The following TRPM6 variants were observed in gnomAD, a reference collection of about 807,000 sequenced individuals.
TRPM6 encodes the protein channel kinase 2.
In TRPM6, 111 loss-of-function variants were observed where a neutral mutation model predicts 247.6. The observed-to-expected ratio is 0.45, with a 90% CI of 0.38 to 0.52. The LOEUF (loss-of-function observed/expected upper bound fraction) is 0.52, where lower values mean the gene tolerates loss of function less well. Among genes scored for constraint, TRPM6 ranks in the 20% least tolerant of loss-of-function variants. The probability of loss-of-function intolerance (pLI) is 0.00; values close to 1 mark genes in which losing one functional copy is unlikely to be tolerated. For synonymous variants in TRPM6, 892 were observed against 853.8 expected, an observed-to-expected ratio of 1.04 and a Z score of -0.78; for missense variants, 2,126 against 2,421.5, an observed-to-expected ratio of 0.88 and a Z score of 2.56.
intron 29 of TRPM6, 41 bp from the exon 30 acceptor site, chr9:74,750,763 A>C: frequency 6.3e-7 from 1 of 1,584,118 alleles, no homozygotes. Flanking sequence ...TGCTCAACAT[A>C]GTCCCACCCC....
intron 7 of TRPM6, among the ~76,000 whole-genome samples, chr9:74,823,466 C>CA (rs1385839157): frequency 1.7e-4 from 26 of 152,182 alleles, no homozygotes; most frequent in African/African-American, 6.3e-4. Flanking sequence ...TATCCTGTGT[C>CA]AGGCTCTCAA....
At chr9:74,800,126 C>T in intron 17 of TRPM6, 128 bp downstream of exon 17, 2 of 862,114 alleles carry the variant, frequency 2.3e-6, no homozygotes, top group Non-Finnish European at 3.8e-6. Context: ...GCTAGAACCT[C>T]CAAATGAGCT....
intron 1 of TRPM6, among the ~76,000 whole-genome samples, chr9:74,884,772 AC>A (rs1310522634): frequency 6.6e-6 from 1 of 152,326 alleles, no homozygotes; most frequent in South Asian, 2.1e-4. Flanking sequence ...AAGGAAAAAA[AC>A]ATATTCAATT....
At chr9:74,759,910 TATA>T (rs948047611) in intron 27 of TRPM6, among the ~76,000 whole-genome samples, 9 of 152,180 alleles carry the variant, frequency 5.9e-5, no homozygotes, top group Admixed American at 6.5e-5. Context: ...CTCACAACTT[TATA>T]ATAAGACAAC....
At position 74,783,187 on chromosome 9, in the gene TRPM6, TAA is replaced by T. The variant is rs59909667; in HGVS notation, c.2920-336_2920-335del. ...CCAGTTGGACCATAGGTTAGGAAAA[TAA>T]AAAAAAAAAAATAGGGTATTGTTGA... On this transcript the variant is annotated intron_variant, in intron 21 of 38. Transcript: ENST00000360774. Among the ~76,000 whole-genome samples, 379 of 147,028 alleles carry T rather than the reference TAA, an allele frequency of 2.6e-3. 4 individuals are homozygous for T. The highest frequency in any genetic ancestry group is 0.011 in the South Asian group (49 of 4,666).
chr9:74,778,128 G>T (rs1827289725), intron 23 of TRPM6, among the ~76,000 whole-genome samples: 1 of 152,164 alleles, frequency 6.6e-6, no homozygotes, highest in South Asian at 2.1e-4. Context: ...GCTGCATTTG[G>T]CTTCAAGATC....
rs115642385 is a variant in TRPM6, at chr9:74,775,100, G to A, written c.3403+783C>T. On this transcript the variant is annotated intron_variant, in intron 24 of 38. Coordinates refer to ENST00000360774, the MANE Select transcript of TRPM6 (RefSeq NM_017662.5). Reference sequence around the variant, plus strand: ...AATGTTCTCTGACAACAATTAGTACGATAGTCATATCATGCAGTGAAGATC... The same window carrying A: ...AATGTTCTCTGACAACAATTAGTACAATAGTCATATCATGCAGTGAAGATC... Among the ~76,000 whole-genome samples, 884 of 152,300 alleles carry A rather than the reference G, an allele frequency of 5.8e-3. 9 individuals carry two copies. The highest frequency in any genetic ancestry group is 0.019 in the African/African-American group (809 of 41,570).
intron 13 of TRPM6, among the ~76,000 whole-genome samples, chr9:74,810,283 G>A (rs1457077860): frequency 6.6e-6 from 1 of 152,148 alleles, no homozygotes; most frequent in Admixed American, 6.5e-5. Flanking sequence ...CTTTAAGTTT[G>A]ACCTAACTCA....
chr9:74,744,756 C>T (rs1825977357), intron 31 of TRPM6, among the ~76,000 whole-genome samples: 1 of 152,146 alleles, frequency 6.6e-6, no homozygotes, highest in African/African-American at 2.4e-5. Context: ...AGAGAAATCC[C>T]TTGCAACAGT....
chr9:74,880,150 C>A (rs1831317963), intron 1 of TRPM6, among the ~76,000 whole-genome samples: 1 of 151,370 alleles, frequency 6.6e-6, no homozygotes, highest in African/African-American at 2.4e-5. Flanking sequence ...CTGACACAGA[C>A]AAAAATAAAG....
chr9:74,840,379 T>A (rs1829892667), intron 4 of TRPM6, 142 bp from the exon 5 acceptor site: 2 of 664,876 alleles, frequency 3.0e-6, no homozygotes, highest in Non-Finnish European at 5.4e-6. Context: ...TTCATCTTCA[T>A]GTAATGGAAA....
rs1490892609 is a variant in TRPM6, at chr9:74,782,733, C to T, written c.3040G>A (p.Val1014Ile). Residue 1014 changes from valine (V) to isoleucine (I), a missense_variant, in exon 22 of 39, where the codon GTA (valine) becomes ATA (isoleucine). Physicochemically the swap from Val to Ile is conservative, Grantham distance 29. Around this residue, in one of 3 missense-constraint regions of TRPM6, gnomAD observed 1,082 missense variants for 1,307.9 expected, o/e 0.83. Coordinates refer to ENST00000360774, the MANE Select transcript of TRPM6 (RefSeq NM_017662.5). ...PPSWSLARDI[V>I]FEPYWMIYGE... ...TATATCATCCAGTATGGCTCAAATA[C>T]AATATCTCGAGCTAGACTCCAAGAT... 6.2e-7 allele frequency: 1 copy of T among 1,614,048 alleles called. No homozygotes were observed. Among genetic ancestry groups the T allele is most frequent in the East Asian group, 2.2e-5 (1 of 44,894 alleles).
At chr9:74,739,612 A>G (rs1825798070) in intron 34 of TRPM6, 111 bp downstream of exon 34, 1 of 1,550,154 alleles carries the variant, frequency 6.5e-7, no homozygotes, top group East Asian at 2.2e-5. Context: ...CCTCTAAAAA[A>G]TAATAGGCTC....
intron 19 of TRPM6, among the ~76,000 whole-genome samples, chr9:74,791,684 CAA>C (rs919195001): frequency 1.3e-5 from 2 of 152,058 alleles, no homozygotes; most frequent in Non-Finnish European, 2.9e-5. Flanking sequence ...CTACTGAAGG[CAA>C]AAAAACCAAA....
At chr9:74,821,118 A>T (rs1009843029) in intron 8 of TRPM6, among the ~76,000 whole-genome samples, 1 of 152,208 alleles carries the variant, frequency 6.6e-6, no homozygotes, top group Admixed American at 6.5e-5. Flanking sequence ...CACTGTACTT[A>T]TTTATACAGT....
At chr9:74,809,642 A>G (rs1214830498) in intron 13 of TRPM6, among the ~76,000 whole-genome samples, 2 of 152,166 alleles carry the variant, frequency 1.3e-5, no homozygotes, top group South Asian at 4.1e-4. Context: ...ATCAATACAA[A>G]CTAAATTTAC....
chr9:74,727,217 C>T (rs1330629332), intron 38 of TRPM6, among the ~76,000 whole-genome samples: 2 of 151,698 alleles, frequency 1.3e-5, no homozygotes, highest in East Asian at 3.9e-4. Context: ...CCTGTCTCTA[C>T]AAAAAATACA....
At chr9:74,731,934 G>C (rs190325429) in intron 37 of TRPM6, among the ~76,000 whole-genome samples, 1 of 152,110 alleles carries the variant, frequency 6.6e-6, no homozygotes, top group East Asian at 1.9e-4. Flanking sequence ...GTTTTAACAG[G>C]CTCTCCTGGT....
chr9:74,884,547 A>ACG (rs1362614395), intron 1 of TRPM6, among the ~76,000 whole-genome samples: 1 of 152,218 alleles, frequency 6.6e-6, no homozygotes, highest in Non-Finnish European at 1.5e-5. Flanking sequence ...ATACATACGT[A>ACG]TATAAAAGCA....
Sources: allele counts gnomAD v4.1 joint callset (sites outside exome capture counted in the v4.1 genomes callset), GRCh38; gene constraint gnomAD v4.1.1; regional missense constraint gnomAD v4.1.1; transcripts MANE v1.5; gene names NCBI Gene and HGNC (gene_info 2026-07-23, HGNC 2026-07-21).